The following GLI2 variants were observed in gnomAD, a reference collection of about 807,000 sequenced individuals.
The protein encoded by GLI2 is GLI family zinc finger 2, also known as transcription activator GLI2.
In GLI2, 22 loss-of-function variants were observed where a neutral mutation model predicts 78.9. The observed-to-expected ratio is 0.28, with a 90% CI of 0.20 to 0.40. The LOEUF (loss-of-function observed/expected upper bound fraction) is 0.40. Ranked by LOEUF, GLI2 falls within the 10% of genes least tolerant of loss-of-function variation. The probability of loss-of-function intolerance (pLI) is 1.00; values close to 1 mark genes in which losing one functional copy is unlikely to be tolerated. For synonymous variants in GLI2, 974 were observed against 963.7 expected (o/e 1.01, Z -0.20); for missense variants, 2,097 against 2,213.2 (o/e 0.95, Z 1.05).
chr2:120,868,394 C>T (rs780349771), intron 2 of GLI2, among the ~76,000 whole-genome samples: 1 of 152,330 alleles, frequency 6.6e-6, no homozygotes, highest in East Asian at 1.9e-4. Context: ...TTTATTTCAT[C>T]GTCTTTTTTC....
At chr2:120,758,359 C>T (rs1683099916) in intron 1 of GLI2, among the ~76,000 whole-genome samples, 1 of 152,228 alleles carries the variant, frequency 6.6e-6, no homozygotes, top group African/African-American at 2.4e-5. Context: ...GGCACTCTTC[C>T]ATGATGCTGT....
At chr2:120,832,491 G>GA (rs5833856) in intron 2 of GLI2, among the ~76,000 whole-genome samples, 27,089 of 152,076 alleles carry the variant, frequency 0.18, 2,444 homozygotes, top group Middle Eastern at 0.26. Context: ...TCATCCCTGT[G>GA]TGGCGGAGAA....
At chr2:120,924,246 G>A (rs1237942648) in intron 2 of GLI2, among the ~76,000 whole-genome samples, 1 of 152,182 alleles carries the variant, frequency 6.6e-6, no homozygotes, top group African/African-American at 2.4e-5. Flanking sequence ...GCAGAGCTGT[G>A]GACTGTGTGT....
At chr2:120,860,962 A>G (rs1456079967) in intron 2 of GLI2, among the ~76,000 whole-genome samples, 1 of 152,212 alleles carries the variant, frequency 6.6e-6, no homozygotes, top group Non-Finnish European at 1.5e-5. Context: ...AGCACACAGG[A>G]GTGTGCAATG....
chr2:120,940,200 C>T (rs1293602448), intron 3 of GLI2, among the ~76,000 whole-genome samples: 1 of 152,176 alleles, frequency 6.6e-6, no homozygotes, highest in East Asian at 1.9e-4. Context: ...TGTGAATATC[C>T]TCTCCCAGTT....
intron 2 of GLI2, among the ~76,000 whole-genome samples, chr2:120,869,222 A>C (rs1052386519): frequency 6.6e-6 from 1 of 152,164 alleles, no homozygotes; most frequent in African/African-American, 2.4e-5. Context: ...TTCCCTAGCC[A>C]GTCCTATGTT....
chr2:120,896,709 A>G (rs199969751), intron 2 of GLI2, among the ~76,000 whole-genome samples: 1 of 44,920 alleles, frequency 2.2e-5, no homozygotes, highest in East Asian at 4.3e-4. Context: ...ACACACACAC[A>G]CACACACACA....
chr2:120,835,707 C>G (rs1476389565), intron 2 of GLI2, among the ~76,000 whole-genome samples: 1 of 152,066 alleles, frequency 6.6e-6, no homozygotes, highest in East Asian at 1.9e-4. Context: ...TTTGACCTTA[C>G]ATGTAACTTT....
At chr2:120,833,456 C>G (rs1686464154) in intron 2 of GLI2, among the ~76,000 whole-genome samples, 1 of 152,166 alleles carries the variant, frequency 6.6e-6, no homozygotes, top group Admixed American at 6.5e-5. Context: ...TCTCTGTGCC[C>G]TGGCTGTGTG....
intron 2 of GLI2, among the ~76,000 whole-genome samples, chr2:120,879,312 T>G (rs1688922845): frequency 6.6e-6 from 1 of 151,844 alleles, no homozygotes; most frequent in South Asian, 2.1e-4. Flanking sequence ...TGCAGCTGAG[T>G]GTTGGGAAGG....
chr2:120,835,606 C>A (rs7588234), intron 2 of GLI2, among the ~76,000 whole-genome samples: 2 of 151,742 alleles, frequency 1.3e-5, no homozygotes, highest in African/African-American at 4.8e-5. Flanking sequence ...GGCTAGTCTC[C>A]GACTCCTGAC....
chr2:120,905,849 T>C (rs550039321), intron 2 of GLI2, among the ~76,000 whole-genome samples: 149 of 151,286 alleles, frequency 9.8e-4, no homozygotes, highest in Non-Finnish European at 1.0e-3. Flanking sequence ...CAGGGGCTGA[T>C]TGGGGGAGGG....
intron 1 of GLI2, among the ~76,000 whole-genome samples, chr2:120,778,118 CAG>C (rs1683735920): frequency 6.6e-6 from 1 of 152,144 alleles, no homozygotes; most frequent in Admixed American, 6.5e-5. Context: ...CCACTGTAAA[CAG>C]AGCTGCTGCC....
rs189037051 is a variant in GLI2, at chr2:120,920,657, G to A, written c.149-6704G>A. Among the ~76,000 whole-genome samples the A allele has an allele frequency of 9.2e-5, 14 of 152,222 alleles. No homozygotes were observed. In the East Asian group the frequency reaches 1.7e-3, roughly 19 times the overall value. Reference sequence around the variant, plus strand: ...TTAAAGAAAAAGCCGTCACTCCGCCGCCACCCTCAGCTTCTCAGGCTGTTG... The same window carrying A: ...TTAAAGAAAAAGCCGTCACTCCGCCACCACCCTCAGCTTCTCAGGCTGTTG... On this transcript the variant is annotated intron_variant, in intron 2 of 13. Coordinates refer to ENST00000361492, the MANE Select transcript of GLI2 (RefSeq NM_001374353.1).
chr2:120,929,496 T>C (rs1211054502), intron 3 of GLI2, among the ~76,000 whole-genome samples: 5 of 152,232 alleles, frequency 3.3e-5, no homozygotes, highest in African/African-American at 1.2e-4. Context: ...TGGTTGGAAT[T>C]CTCCTGTAAG....
chr2:120,976,184 A>G (rs1413150169), intron 9 of GLI2, among the ~76,000 whole-genome samples: 3 of 152,204 alleles, frequency 2.0e-5, no homozygotes, highest in Admixed American at 2.0e-4. Context: ...ACGCACGTGC[A>G]CACACATGCA....
chr2:120,974,827 GCACACACACCTGTAA>G (rs1682371125), intron 8 of GLI2, 133 bp from the exon 9 acceptor site: 1 of 1,030,326 alleles, frequency 9.7e-7, no homozygotes, highest in South Asian at 1.3e-5. Flanking sequence ...TTGTGTGTGT[GCACACACACCTGTAA>G]CACACACACT....
intron 3 of GLI2, among the ~76,000 whole-genome samples, chr2:120,938,264 C>T (rs1274125329): frequency 6.6e-6 from 1 of 152,204 alleles, no homozygotes; most frequent in Non-Finnish European, 1.5e-5. Flanking sequence ...CCACACCTCA[C>T]TCCTCCCCTC....
At chr2:120,823,126 A>G (rs1191837265) in intron 2 of GLI2, among the ~76,000 whole-genome samples, 1 of 152,116 alleles carries the variant, frequency 6.6e-6, no homozygotes, top group Non-Finnish European at 1.5e-5. Context: ...GCTGTGTTTG[A>G]CATGCAGCGG....
Sources: allele counts gnomAD v4.1 joint callset (sites outside exome capture counted in the v4.1 genomes callset), GRCh38; gene constraint gnomAD v4.1.1; transcripts MANE v1.5; gene names NCBI Gene and HGNC (gene_info 2026-07-23, HGNC 2026-07-21).